The following DPH6 variants were observed in gnomAD, a reference collection of about 807,000 sequenced individuals.
DPH6 encodes diphthamine biosynthesis 6, also known as diphthine--ammonia ligase.
In DPH6, 33 loss-of-function variants were observed where a neutral mutation model predicts 38.2. The observed-to-expected ratio is 0.86, with a 90% CI of 0.65 to 1.15. The LOEUF is 1.15. DPH6 is among the 50% of genes most tolerant of loss of function. The pLI is 0.00. For missense variants in DPH6, 325 were observed against 320.0 expected, an observed-to-expected ratio of 1.02 and a Z score of -0.12; for synonymous variants, 108 against 103.0, an observed-to-expected ratio of 1.05 and a Z score of -0.30.
At chr15:35,392,356 A>C (rs190002347) in intron 6 of DPH6, among the ~76,000 whole-genome samples, 253 of 152,216 alleles carry the variant, frequency 1.7e-3, no homozygotes, top group African/African-American at 5.9e-3. Flanking sequence ...ATTAAATCAA[A>C]CTTTTTCTTC....
intron 2 of DPH6, among the ~76,000 whole-genome samples, chr15:35,539,627 A>C (rs2055222285): frequency 6.6e-6 from 1 of 152,190 alleles, no homozygotes; most frequent in East Asian, 1.9e-4. Flanking sequence ...ATCGTAGAAT[A>C]ATATTTAATG....
chr15:35,242,774 T>C (rs1311809209), intron 3 of DPH6, among the ~76,000 whole-genome samples: 1 of 142,488 alleles, frequency 7.0e-6, no homozygotes, highest in African/African-American at 2.5e-5. Context: ...CGCTCCTTTT[T>C]ATTAGGCCCC....
chr15:35,252,390 A>G (rs1468517313), intron 3 of DPH6, among the ~76,000 whole-genome samples: 9 of 152,228 alleles, frequency 5.9e-5, no homozygotes, highest in Admixed American at 5.9e-4. Flanking sequence ...TTAGTTTTGG[A>G]AATCCTGGGT....
chr15:35,458,703 A>T (rs2054026871), intron 3 of DPH6, among the ~76,000 whole-genome samples: 1 of 152,232 alleles, frequency 6.6e-6, no homozygotes, highest in Non-Finnish European at 1.5e-5. Context: ...TCATAGCTGA[A>T]ATAAAACCAA....
intron 5 of DPH6, among the ~76,000 whole-genome samples, chr15:35,413,073 C>T (rs575451058): frequency 1.3e-5 from 2 of 151,504 alleles, no homozygotes; most frequent in African/African-American, 2.4e-5. Flanking sequence ...GGAGGTCATG[C>T]GGTATGGGGT....
chr15:35,172,584 T>C, the DPH6 span, among the ~76,000 whole-genome samples: 4 of 152,244 alleles, frequency 2.6e-5, no homozygotes, highest in Admixed American at 2.6e-4. Context: ...TGTGGTAACT[T>C]AGTCTGTGGC....
chr15:35,276,528 T>C (rs965695178), intron 3 of DPH6, among the ~76,000 whole-genome samples: 2 of 152,116 alleles, frequency 1.3e-5, no homozygotes, highest in Non-Finnish European at 2.9e-5. Flanking sequence ...TCTAGAAGGG[T>C]TTTTCTGATA....
In DPH6 at chr15:35,257,126, C is replaced by G. The variant is rs117732283; in HGVS notation, n.201-36544G>C. 3.9e-5 allele frequency among the ~76,000 whole-genome samples: 6 copies of G among 152,088 alleles called. No homozygotes were observed. In the East Asian group the frequency reaches 9.6e-4, roughly 24 times the overall value. ...TGGGCATTATAAGTGTCAGTAGTGA[C>G]ATGGGCAGGCATCACCATGAAAAGA... On this transcript the variant is annotated intron_variant and non_coding_transcript_variant, in intron 3 of 3. Transcript: ENST00000560386.
At chr15:35,365,278 T>G (rs535193942) in intron 3 of DPH6, among the ~76,000 whole-genome samples, 42 of 152,238 alleles carry the variant, frequency 2.8e-4, no homozygotes, top group African/African-American at 1.0e-3. Context: ...TATTTTTATT[T>G]ACTTTTCTAT....
chr15:35,166,613 T>C, the DPH6 span, among the ~76,000 whole-genome samples: 1 of 152,032 alleles, frequency 6.6e-6, no homozygotes, highest in African/African-American at 2.4e-5. Flanking sequence ...TTGACCTCCA[T>C]TAATGTTTTA....
At chr15:35,290,288 C>T (rs756497105) in intron 3 of DPH6, among the ~76,000 whole-genome samples, 5 of 152,172 alleles carry the variant, frequency 3.3e-5, no homozygotes, top group Admixed American at 6.5e-5. Context: ...TTACTTCCAG[C>T]GAGACCCAAT....
intron 3 of DPH6, among the ~76,000 whole-genome samples, chr15:35,266,313 A>C (rs193233402): frequency 2.6e-5 from 4 of 152,322 alleles, no homozygotes; most frequent in East Asian, 1.9e-4. Flanking sequence ...CATATATGGT[A>C]TATATAAACA....
chr15:35,463,294 T>G (rs1366737535), intron 3 of DPH6, among the ~76,000 whole-genome samples: 1 of 152,150 alleles, frequency 6.6e-6, no homozygotes, highest in Non-Finnish European at 1.5e-5. Flanking sequence ...TGAACCTTCA[T>G]GATGTTTATT....
chr15:35,371,807 A>T lies in DPH6; in HGVS notation c.*343T>A. The stretch of plus-strand genomic sequence containing the variant: ...TCATGACATTATTGGTAGGGATTGG[A>T]GCAAGAAAGAGAGAAGGAGGAAAAG... On this transcript the variant is annotated 3_prime_UTR_variant, in exon 9 of 9. Transcript: ENST00000256538. 1 of 1,019,616 alleles carries T rather than the reference A, an allele frequency of 9.8e-7. No individual in the cohort carries two copies. The highest frequency in any genetic ancestry group is 1.2e-6 in the Non-Finnish European group (1 of 853,622). 63.2% of individuals were successfully genotyped at this position (1,019,616 alleles called of 1,614,324 possible).
intron 3 of DPH6, among the ~76,000 whole-genome samples, chr15:35,224,885 TC>T (rs1357132247): frequency 6.6e-6 from 1 of 152,148 alleles, no homozygotes; most frequent in African/African-American, 2.4e-5. Flanking sequence ...TCAACCAATC[TC>T]CCCAATGTTA....
intron 3 of DPH6, among the ~76,000 whole-genome samples, chr15:35,461,630 G>C (rs956869650): frequency 6.6e-6 from 1 of 151,136 alleles, no homozygotes; most frequent in African/African-American, 2.4e-5. Flanking sequence ...TCTTTTGGAA[G>C]TATACATGGC....
intron 5 of DPH6, among the ~76,000 whole-genome samples, chr15:35,434,254 T>C (rs150331569): frequency 1.1e-3 from 162 of 152,262 alleles, no homozygotes; most frequent in African/African-American, 3.8e-3. Context: ...CTTATATTGA[T>C]TAGGAAGTGA....
At chr15:35,523,062 ATTACAGG>A (rs888388316) in intron 3 of DPH6, among the ~76,000 whole-genome samples, 1 of 152,018 alleles carries the variant, frequency 6.6e-6, no homozygotes, top group African/African-American at 2.4e-5. Flanking sequence ...GGAATTGCTT[ATTACAGG>A]AGTGTATTTT....
At chr15:35,172,737 G>C in the DPH6 span, among the ~76,000 whole-genome samples, 1 of 152,172 alleles carries the variant, frequency 6.6e-6, no homozygotes, top group Admixed American at 6.5e-5. Context: ...CTGGAGCACA[G>C]TGGCTATTCA....
Sources: gnomAD v4.1 joint callset for allele counts (sites outside exome capture counted in the v4.1 genomes callset) on GRCh38, gnomAD v4.1.1 for gene constraint, MANE v1.5 for transcripts, NCBI Gene and HGNC (gene_info 2026-07-23, HGNC 2026-07-21) for gene names.